The following ZNF385D variants were observed in gnomAD, a reference collection of about 807,000 sequenced individuals.
ZNF385D encodes zinc finger protein 659.
A neutral mutation model predicts 35.8 loss-of-function variants in ZNF385D; 15 were observed. That is an observed-to-expected ratio of 0.42 (90% CI 0.28 to 0.64). ZNF385D has a LOEUF of 0.64. Ranked by LOEUF, ZNF385D falls within the 30% of genes least tolerant of loss-of-function variation. ZNF385D has a pLI of 0.23. For missense variants in ZNF385D, 474 were observed against 494.6 expected (o/e 0.96, Z 0.39); for synonymous variants, 212 against 186.8 (o/e 1.13, Z -1.10).
At chr3:22,320,169 G>A (rs1038135269) in intron 2 of ZNF385D, among the ~76,000 whole-genome samples, 4 of 151,582 alleles carry the variant, frequency 2.6e-5, no homozygotes, top group African/African-American at 4.9e-5. Flanking sequence ...GAGAAAACCC[G>A]TGTGTTCATC....
At chr3:22,012,074 T>C (rs372674708) in intron 3 of ZNF385D, among the ~76,000 whole-genome samples, 11 of 152,296 alleles carry the variant, frequency 7.2e-5, no homozygotes, top group Admixed American at 5.9e-4. Flanking sequence ...CAAGGGTTCC[T>C]AATTTGGGAA....
chr3:21,713,005 A>T (rs1474359016), intron 1 of ZNF385D, among the ~76,000 whole-genome samples: 1 of 151,976 alleles, frequency 6.6e-6, no homozygotes, highest in Non-Finnish European at 1.5e-5. Flanking sequence ...CATAAGAATC[A>T]CTCTTCGGTG....
intron 2 of ZNF385D, among the ~76,000 whole-genome samples, chr3:22,302,188 CA>C (rs1249277505): frequency 6.6e-6 from 1 of 152,044 alleles, no homozygotes; most frequent in Non-Finnish European, 1.5e-5. Context: ...CCTCTCTTGA[CA>C]AATTTATCTC....
At chr3:21,561,063 G>A (rs1050828098) in intron 3 of ZNF385D, among the ~76,000 whole-genome samples, 2 of 152,216 alleles carry the variant, frequency 1.3e-5, no homozygotes, top group African/African-American at 4.8e-5. Context: ...TCAAGCCCGT[G>A]GATCTTAGCC....
intron 6 of ZNF385D, 73 bp from the exon 7 acceptor site, chr3:21,424,137 C>G (rs1700873963): frequency 1.5e-6 from 2 of 1,330,070 alleles, no homozygotes; most frequent in Admixed American, 2.6e-5. Context: ...ATTGCTTTAA[C>G]CTGGAGAAAG....
intron 3 of ZNF385D, among the ~76,000 whole-genome samples, chr3:22,013,057 A>G (rs891372948): frequency 2.0e-5 from 3 of 152,170 alleles, no homozygotes; most frequent in Non-Finnish European, 2.9e-5. Context: ...AATGTATGGA[A>G]GATTTAAAGT....
chr3:21,457,512 T>C (rs1427130602), intron 4 of ZNF385D, among the ~76,000 whole-genome samples: 21 of 152,022 alleles, frequency 1.4e-4, no homozygotes, highest in Admixed American at 1.4e-3. Flanking sequence ...CATGCCACCA[T>C]GCCTAGCTAA....
intron 2 of ZNF385D, among the ~76,000 whole-genome samples, chr3:22,300,952 T>A (rs1253160449): frequency 2.6e-5 from 4 of 152,040 alleles, no homozygotes; most frequent in African/African-American, 9.7e-5. Flanking sequence ...TCCAAAGGAA[T>A]TGAAATCAGT....
chr3:22,070,969 G>A (rs555646975), intron 3 of ZNF385D, among the ~76,000 whole-genome samples: 44 of 152,038 alleles, frequency 2.9e-4, no homozygotes, highest in Admixed American at 1.9e-3. Flanking sequence ...GGAAGAATAC[G>A]GCATTCTCCA....
rs944165785 is a variant in ZNF385D at position 21,586,147 on chromosome 3, A to G, written c.166-21463T>C. ...CTTAAGACCAGTGGATTGAGGCTGT[A>G]GTGAATTATATTTGTGCCACTGCAT... is the stretch of plus-strand genomic sequence containing the variant. On this transcript the variant is annotated intron_variant, in intron 2 of 7. Transcript: ENST00000281523. Among the ~76,000 whole-genome samples, 11 of 152,288 alleles carry G rather than the reference A, an allele frequency of 7.2e-5. 1 individual carries two copies. In the East Asian group the frequency reaches 2.1e-3, roughly 29 times the overall value.
intron 3 of ZNF385D, among the ~76,000 whole-genome samples, chr3:21,540,767 T>C (rs750939254): frequency 3.9e-5 from 6 of 152,330 alleles, no homozygotes; most frequent in South Asian, 2.1e-4. Context: ...ATGTTACTTA[T>C]GTGATTATGA....
chr3:21,885,740 CTGTGTGTGTGTG>C (rs3074769), intron 3 of ZNF385D, among the ~76,000 whole-genome samples: 13 of 101,196 alleles, frequency 1.3e-4, no homozygotes, highest in South Asian at 9.1e-4. Context: ...GTGTCTGTGT[CTGTGTGTGTGTG>C]TGTGTGTGTG....
chr3:22,009,943 T>A (rs1445091608), intron 3 of ZNF385D, among the ~76,000 whole-genome samples: 2 of 151,158 alleles, frequency 1.3e-5, no homozygotes, highest in African/African-American at 4.9e-5. Flanking sequence ...ATGAAAAATA[T>A]GAAAAAAATG....
At chr3:22,003,775 G>A (rs1485166805) in intron 3 of ZNF385D, among the ~76,000 whole-genome samples, 1 of 151,758 alleles carries the variant, frequency 6.6e-6, no homozygotes, top group Admixed American at 6.6e-5. Context: ...GCTGAGGCGG[G>A]AGAATTGCTT....
intron 2 of ZNF385D, among the ~76,000 whole-genome samples, chr3:22,206,411 G>T (rs563720606): frequency 3.7e-4 from 57 of 152,012 alleles, no homozygotes; most frequent in African/African-American, 1.2e-3. Context: ...GACTTAATCT[G>T]CACTACAGAC....
chr3:22,191,294 C>T (rs1156414777), intron 2 of ZNF385D, among the ~76,000 whole-genome samples: 1 of 152,070 alleles, frequency 6.6e-6, no homozygotes, highest in East Asian at 1.9e-4. Flanking sequence ...GGTTTGAGAA[C>T]AGCCTCAACA....
At chr3:22,144,361 G>A (rs1016370557) in intron 3 of ZNF385D, among the ~76,000 whole-genome samples, 1 of 152,008 alleles carries the variant, frequency 6.6e-6, no homozygotes, top group Non-Finnish European at 1.5e-5. Flanking sequence ...ATCACTTGAG[G>A]TCAGGAGTTT....
chr3:21,664,798 T>C, intron 2 of ZNF385D, 88 bp downstream of exon 2: 2 of 1,549,114 alleles, frequency 1.3e-6, no homozygotes, highest in Non-Finnish European at 8.9e-7. Context: ...TATAGCAAAA[T>C]GGAGGCAGTG....
chr3:22,288,235 A>G (rs1702125995), intron 2 of ZNF385D, among the ~76,000 whole-genome samples: 1 of 152,048 alleles, frequency 6.6e-6, no homozygotes, highest in Non-Finnish European at 1.5e-5. Context: ...GTATCTTTAT[A>G]TGCATCCTAT....
Sources: allele counts gnomAD v4.1 joint callset (sites outside exome capture counted in the v4.1 genomes callset), GRCh38; gene constraint gnomAD v4.1.1; transcripts MANE v1.5; gene names NCBI Gene and HGNC (gene_info 2026-07-23, HGNC 2026-07-21).